STPG4: variants seen among roughly 807,000 people sequenced by gnomAD.
The protein encoded by STPG4 is sperm-tail PG-rich repeat containing 4.
Under a neutral mutation model 31.5 loss-of-function variants are expected in STPG4, and 41 were observed. The ratio of observed to expected loss-of-function variants is 1.30; its 90% CI spans 1.01 to 1.69. STPG4 has a LOEUF of 1.69. Among genes scored for constraint, STPG4 ranks in the 40% most tolerant of loss-of-function variants. The probability of loss-of-function intolerance (pLI) is 0.00; values close to 1 mark genes in which losing one functional copy is unlikely to be tolerated. For missense variants in STPG4, 375 were observed against 293.4 expected (o/e 1.28, Z -2.03); for synonymous variants, 141 against 103.0 (o/e 1.37, Z -2.24).
At chr2:47,142,105 T>A (rs1284726643) in intron 3 of STPG4, among the ~76,000 whole-genome samples, 1 of 151,804 alleles carries the variant, frequency 6.6e-6, no homozygotes, top group Non-Finnish European at 1.5e-5. Flanking sequence ...AGAGATATCC[T>A]CATCACAGCT....
At chr2:47,114,576 G>C (rs1484753461) in intron 5 of STPG4, among the ~76,000 whole-genome samples, 1 of 152,204 alleles carries the variant, frequency 6.6e-6, no homozygotes, top group South Asian at 2.1e-4. Context: ...TTTTTTATCT[G>C]AGCATTGAGT....
At chr2:47,106,221 G>A (rs1283892645) in intron 5 of STPG4, among the ~76,000 whole-genome samples, 1 of 151,826 alleles carries the variant, frequency 6.6e-6, no homozygotes, top group African/African-American at 2.4e-5. Context: ...CCCAGCCAAG[G>A]CATATTTTTC....
chr2:47,142,836 C>CTTTTTTTTTTTT (rs10686388), intron 3 of STPG4, among the ~76,000 whole-genome samples: 3 of 73,836 alleles, frequency 4.1e-5, no homozygotes, highest in African/African-American at 5.5e-5. Flanking sequence ...TTTATCTCAT[C>CTTTTTTTTTTTT]TTTTTTTTTT....
At chr2:47,096,302 T>C (rs1011677935) in intron 5 of STPG4, among the ~76,000 whole-genome samples, 3 of 151,836 alleles carry the variant, frequency 2.0e-5, no homozygotes, top group African/African-American at 7.3e-5. Context: ...GTCCAAGGGG[T>C]CCGAGACGCC....
intron 6 of STPG4, among the ~76,000 whole-genome samples, chr2:47,089,424 T>G (rs1294662191): frequency 6.6e-6 from 1 of 152,192 alleles, no homozygotes; most frequent in Non-Finnish European, 1.5e-5. Context: ...GGGAGGTGAT[T>G]TGCAGCCCAG....
intron 3 of STPG4, among the ~76,000 whole-genome samples, chr2:47,147,132 T>A (rs1396572638): frequency 2.0e-5 from 3 of 151,860 alleles, no homozygotes; most frequent in Non-Finnish European, 4.4e-5. Context: ...GTGTCTTAAA[T>A]AAATAAATAA....
intron 5 of STPG4, among the ~76,000 whole-genome samples, chr2:47,099,927 G>C (rs1045633452): frequency 2.6e-5 from 4 of 152,162 alleles, no homozygotes; most frequent in African/African-American, 9.7e-5. Context: ...CAGCCCACCA[G>C]TGCTGTGCTC....
At chr2:47,103,650 G>C (rs1439045439) in intron 5 of STPG4, among the ~76,000 whole-genome samples, 1 of 151,908 alleles carries the variant, frequency 6.6e-6, no homozygotes, top group Non-Finnish European at 1.5e-5. Context: ...TGTCCAATGA[G>C]AAACAAACTG....
intron 3 of STPG4, among the ~76,000 whole-genome samples, chr2:47,132,163 T>C (rs1686499299): frequency 9.5e-6 from 1 of 105,010 alleles, no homozygotes; most frequent in African/African-American, 3.8e-5. Context: ...AGACTCACTC[T>C]GAAAAAAAAA....
intron 5 of STPG4, among the ~76,000 whole-genome samples, chr2:47,097,491 G>A (rs1221915461): frequency 1.3e-5 from 2 of 152,044 alleles, no homozygotes; most frequent in Admixed American, 1.3e-4. Context: ...TCAGGGATGG[G>A]ACTCCTGCGC....
In STPG4 at chr2:47,141,336, A is replaced by G. The variant is rs555115558; in HGVS notation, c.399+9922T>C. Among the ~76,000 whole-genome samples, 1,383 of 152,126 alleles carry G rather than the reference A, an allele frequency of 9.1e-3. 15 individuals carry two copies. Among genetic ancestry groups the G allele is most frequent in the Non-Finnish European group, 0.014 (953 of 67,980 alleles). On this transcript the variant is annotated intron_variant, in intron 3 of 6. Coordinates refer to ENST00000445927, the MANE Select transcript of STPG4 (RefSeq NM_001163561.2). ...ACATGGGACTTTCTCAAAAAAAAAAAAAAAAGAAGAAAGAAAGAAAACATA... is the reference window on the plus strand; with the variant it reads ...ACATGGGACTTTCTCAAAAAAAAAAGAAAAAGAAGAAAGAAAGAAAACATA...
intron 2 of STPG4, among the ~76,000 whole-genome samples, chr2:47,151,891 C>T (rs1281085247): frequency 1.3e-5 from 2 of 150,558 alleles, no homozygotes; most frequent in African/African-American, 2.4e-5. Context: ...CAGGCATCAG[C>T]CACTACGCCC....
intron 5 of STPG4, among the ~76,000 whole-genome samples, chr2:47,118,081 C>T (rs1470704241): frequency 6.6e-6 from 1 of 152,068 alleles, no homozygotes; most frequent in Admixed American, 6.6e-5. Context: ...ATATTGACTA[C>T]TTGGCTTTAG....
At chr2:47,132,626 T>G (rs1214175281) in intron 3 of STPG4, among the ~76,000 whole-genome samples, 1 of 152,238 alleles carries the variant, frequency 6.6e-6, no homozygotes, top group African/African-American at 2.4e-5. Flanking sequence ...TGTGTCATTC[T>G]TGTGTCTTAT....
At chr2:47,152,784 T>A (rs544292125) in intron 2 of STPG4, among the ~76,000 whole-genome samples, 173 bp downstream of exon 2, 1 of 152,366 alleles carries the variant, frequency 6.6e-6, no homozygotes, top group Admixed American at 6.5e-5. Flanking sequence ...AATTAAAAGT[T>A]AGTTTCTTAT....
chr2:47,124,689 G>C (rs1686332437), intron 5 of STPG4, among the ~76,000 whole-genome samples: 2 of 152,124 alleles, frequency 1.3e-5, no homozygotes, highest in Non-Finnish European at 2.9e-5. Context: ...TGTACACTAA[G>C]GTTGCTTCCA....
At chr2:47,147,949 C>T (rs1723486) in intron 3 of STPG4, among the ~76,000 whole-genome samples, 134,545 of 150,328 alleles carry the variant, frequency 0.9, 60,369 homozygotes, top group South Asian at 0.95. Context: ...TATGTATATA[C>T]ATATTCCTTT....
At chr2:47,149,275 C>CT (rs774515795) in intron 3 of STPG4, among the ~76,000 whole-genome samples, 1 of 152,156 alleles carries the variant, frequency 6.6e-6, no homozygotes, top group Admixed American at 6.5e-5. Flanking sequence ...TCTTTAAAAA[C>CT]TTTAAGTATT....
chr2:47,133,670 C>T (rs979683281), intron 3 of STPG4, among the ~76,000 whole-genome samples: 11 of 148,280 alleles, frequency 7.4e-5, no homozygotes, highest in African/African-American at 2.7e-4. Flanking sequence ...CTCTGCCTCC[C>T]GGGTTCAAGT....
Sources: allele counts gnomAD v4.1 joint callset (sites outside exome capture counted in the v4.1 genomes callset), GRCh38; gene constraint gnomAD v4.1.1; transcripts MANE v1.5; gene names NCBI Gene and HGNC (gene_info 2026-07-23, HGNC 2026-07-21).